Variants in SEMA6D observed in about 807,000 individuals in gnomAD.
The protein encoded by SEMA6D is semaphorin 6D.
SEMA6D carries 35 observed loss-of-function variants against 106.6 expected under a neutral mutation model. The observed-to-expected ratio is 0.33, with a 90% CI of 0.25 to 0.44. The LOEUF is 0.44. SEMA6D is among the 20% of genes least tolerant of loss of function. The pLI, the probability that SEMA6D is intolerant of heterozygous loss-of-function variation, is 1.00. For missense variants in SEMA6D, 1,185 were observed against 1,345.9 expected, an observed-to-expected ratio of 0.88 and a Z score of 1.87; for synonymous variants, 499 against 487.7, an observed-to-expected ratio of 1.02 and a Z score of -0.31.
At chr15:47,718,132 AG>A (rs1339048875) in intron 1 of SEMA6D, among the ~76,000 whole-genome samples, 1 of 152,180 alleles carries the variant, frequency 6.6e-6, no homozygotes, top group Non-Finnish European at 1.5e-5. Context: ...TGGGGTTAGC[AG>A]GGGTTGCTTC....
chr15:47,257,673 A>G (rs2033879556), intron 1 of SEMA6D, among the ~76,000 whole-genome samples: 2 of 152,058 alleles, frequency 1.3e-5, no homozygotes, highest in East Asian at 3.9e-4. Flanking sequence ...AATTTGTGAA[A>G]TGTGTTTTTT....
intron 3 of SEMA6D, among the ~76,000 whole-genome samples, chr15:47,585,217 G>A (rs1230476772): frequency 6.6e-6 from 1 of 152,184 alleles, no homozygotes; most frequent in African/African-American, 2.4e-5. Flanking sequence ...ACGTTTAAGT[G>A]CATCAAAATG....
intron 1 of SEMA6D, among the ~76,000 whole-genome samples, chr15:47,282,579 C>T (rs751514967): frequency 5.9e-5 from 9 of 151,948 alleles, no homozygotes; most frequent in African/African-American, 1.5e-4. Context: ...TATATGCCTG[C>T]GAGAGTATGC....
chr15:47,239,006 C>A (rs75604311), intron 1 of SEMA6D, among the ~76,000 whole-genome samples: 1 of 152,298 alleles, frequency 6.6e-6, no homozygotes, highest in African/African-American at 2.4e-5. Flanking sequence ...GACCAGGTAC[C>A]TGGCCACATA....
chr15:47,529,108 C>A (rs1005721617), intron 3 of SEMA6D, among the ~76,000 whole-genome samples: 7 of 152,042 alleles, frequency 4.6e-5, no homozygotes, highest in African/African-American at 1.7e-4. Context: ...CTTATTCTTA[C>A]AATCAAGTAA....
chr15:47,294,071 G>A (rs2035702401), intron 1 of SEMA6D, among the ~76,000 whole-genome samples: 1 of 151,924 alleles, frequency 6.6e-6, no homozygotes, highest in Admixed American at 6.6e-5. Flanking sequence ...CTTAAGAACT[G>A]CCTGAAAAGA....
At chr15:47,669,109 G>A (rs2078090218) in intron 4 of SEMA6D, among the ~76,000 whole-genome samples, 1 of 151,776 alleles carries the variant, frequency 6.6e-6, no homozygotes, top group African/African-American at 2.4e-5. Flanking sequence ...AAGGGAAGTT[G>A]GGCAGAGCCA....
intron 1 of SEMA6D, among the ~76,000 whole-genome samples, chr15:47,371,304 A>G (rs911577713): frequency 1.3e-5 from 2 of 152,214 alleles, no homozygotes; most frequent in Non-Finnish European, 1.5e-5. Flanking sequence ...TTTAACTCCT[A>G]TCTTCATGGC....
chr15:47,538,245 A>T (rs1248339674), intron 3 of SEMA6D, among the ~76,000 whole-genome samples: 2 of 152,100 alleles, frequency 1.3e-5, no homozygotes, highest in African/African-American at 4.8e-5. Context: ...TCAAATTTCC[A>T]CTTCCTCATA....
chr15:47,205,740 T>A (rs916274604), intron 1 of SEMA6D, among the ~76,000 whole-genome samples: 1 of 151,934 alleles, frequency 6.6e-6, no homozygotes, highest in African/African-American at 2.4e-5. Flanking sequence ...AGCTAAAAAT[T>A]AAAAATATTT....
intron 1 of SEMA6D, among the ~76,000 whole-genome samples, chr15:47,324,475 C>T (rs1426777308): frequency 2.6e-5 from 4 of 151,914 alleles, no homozygotes; most frequent in African/African-American, 7.2e-5. Flanking sequence ...TTAAAAACTG[C>T]GGACTTCAAC....
intron 3 of SEMA6D, among the ~76,000 whole-genome samples, chr15:47,486,696 C>T (rs1050219373): frequency 2.0e-5 from 3 of 152,170 alleles, no homozygotes; most frequent in Non-Finnish European, 2.9e-5. Flanking sequence ...AATTGTTGAC[C>T]TTAGGAAAGT....
chr15:47,708,944 A>C (rs1467955756), intron 4 of SEMA6D, among the ~76,000 whole-genome samples: 1 of 152,206 alleles, frequency 6.6e-6, no homozygotes, highest in African/African-American at 2.4e-5. Flanking sequence ...TATAAGAACC[A>C]AAATAAAATT....
intron 4 of SEMA6D, among the ~76,000 whole-genome samples, chr15:47,698,481 A>G (rs1170430363): frequency 6.6e-6 from 1 of 152,170 alleles, no homozygotes; most frequent in African/African-American, 2.4e-5. Context: ...AAATCTTCCT[A>G]CCAGGGAAAT....
chr15:47,766,747 C>A, intron 16 of SEMA6D, 70 bp downstream of exon 16: 4 of 1,076,410 alleles, frequency 3.7e-6, no homozygotes, highest in Non-Finnish European at 4.2e-6. Context: ...CATTATTTTA[C>A]AATCAGTCTT....
intron 1 of SEMA6D, among the ~76,000 whole-genome samples, chr15:47,368,480 AT>A (rs35557088): frequency 0.64 from 96,003 of 148,998 alleles, 31,538 homozygotes; most frequent in Non-Finnish European, 0.72. Flanking sequence ...TTATTTATTT[AT>A]TTTTTTTGAG....
chr15:47,757,347 T>G (rs1376768402), intron 1 of SEMA6D, among the ~76,000 whole-genome samples: 1 of 152,250 alleles, frequency 6.6e-6, no homozygotes, highest in Non-Finnish European at 1.5e-5. Flanking sequence ...TCGGTGATTT[T>G]CTATCTAGAG....
intron 1 of SEMA6D, among the ~76,000 whole-genome samples, chr15:47,757,551 G>A (rs1567085185): frequency 1.3e-5 from 2 of 152,202 alleles, no homozygotes; most frequent in South Asian, 4.1e-4. Context: ...CCATGTAGCT[G>A]TAGTAAAAAA....
chr15:47,265,796 TA>T (rs1323216588), intron 1 of SEMA6D, among the ~76,000 whole-genome samples: 2 of 152,094 alleles, frequency 1.3e-5, no homozygotes, highest in Non-Finnish European at 2.9e-5. Flanking sequence ...TTTACTTATT[TA>T]GAGACTGGCT....
Sources: gnomAD v4.1 joint callset for allele counts (sites outside exome capture counted in the v4.1 genomes callset) on GRCh38, gnomAD v4.1.1 for gene constraint, MANE v1.5 for transcripts, NCBI Gene and HGNC (gene_info 2026-07-23, HGNC 2026-07-21) for gene names.